The following IPO5 variants were observed in gnomAD, a reference collection of about 807,000 sequenced individuals.
IPO5 encodes importin 5.
In IPO5, 18 loss-of-function variants were observed where a neutral mutation model predicts 143.3. That is an observed-to-expected ratio of 0.13 (90% CI 0.09 to 0.19). The LOEUF (loss-of-function observed/expected upper bound fraction) is 0.19. IPO5 is among the 10% of genes least tolerant of loss of function. The pLI, the probability that IPO5 is intolerant of heterozygous loss-of-function variation, is 1.00. For missense variants in IPO5, 1,013 were observed against 1,336.9 expected (o/e 0.76, Z 3.78); for synonymous variants, 477 against 465.7 (o/e 1.02, Z -0.31).
chr13:97,994,799 G>A (rs1268108311), intron 11 of IPO5, among the ~76,000 whole-genome samples: 2 of 152,062 alleles, frequency 1.3e-5, no homozygotes, highest in Non-Finnish European at 2.9e-5. Flanking sequence ...CGCTCACATG[G>A]GAACAAAGCC....
rs1160360832 is a variant in IPO5 at position 98,019,803 on chromosome 13, T to C, written c.3059T>C (p.Ile1020Thr). Reference sequence around the variant, plus strand: ...ACTTTCAATTATCTGTGTGACCTGATTGAAAGGTAGGAAAGCAGACTGTGA... The same window carrying C: ...ACTTTCAATTATCTGTGTGACCTGACTGAAAGGTAGGAAAGCAGACTGTGA... ...VQTFNYLCDL[I>T]ESNHPIVLGP... Residue 1020 changes from isoleucine (I) to threonine (T), a missense_variant, in exon 27 of 29, where the codon ATT becomes ACT. Ile to Thr is a moderately conservative substitution (Grantham distance 89). This residue lies in a region of IPO5 where 685 missense variants were observed against 994.9 expected (regional missense o/e 0.69). Transcript: ENST00000651721. 4 of 1,606,104 alleles carry C rather than the reference T, an allele frequency of 2.5e-6. No homozygotes were observed. The highest frequency in any genetic ancestry group is 1.1e-5 in the South Asian group (1 of 90,860).
chr13:97,974,076 T>C (rs1886056321), intron 3 of IPO5, among the ~76,000 whole-genome samples: 3 of 152,136 alleles, frequency 2.0e-5, no homozygotes, highest in South Asian at 2.1e-4. Flanking sequence ...ATAATAATAA[T>C]AACAATAATA....
intron 5 of IPO5, among the ~76,000 whole-genome samples, chr13:97,982,813 T>C (rs768008928): frequency 6.6e-6 from 1 of 152,178 alleles, no homozygotes; most frequent in African/African-American, 2.4e-5. Flanking sequence ...GTGTCCAGGG[T>C]AGATGAAGAT....
Position 98,017,239 on chromosome 13 carries a change from G to T in IPO5, c.2616+388G>T, listed in dbSNP as rs547848508. Among the ~76,000 whole-genome samples the T allele has an allele frequency of 3.7e-4, 54 of 145,478 alleles. No homozygotes were observed. In the Middle Eastern group the frequency reaches 0.025, roughly 68 times the overall value. On this transcript the variant is annotated intron_variant, in intron 25 of 28. Coordinates refer to ENST00000651721, the MANE Select transcript of IPO5 (RefSeq NM_002271.6). ...CAGCAATCATGGATTATGGATAATG[G>T]GCATATATATATATATATGTATTTT...
Position 98,023,068 on chromosome 13 carries a change from T to A in IPO5, c.*1246T>A, listed in dbSNP as rs1427977298. The A allele has an allele frequency of 6.6e-6, 1 of 152,664 alleles. No homozygotes were observed. The highest frequency in any genetic ancestry group is 2.4e-5 in the African/African-American group (1 of 41,472). The allele number at this position is 152,664 out of a possible 1,614,324, so 9.5% of individuals were successfully genotyped here. A position where few individuals can be genotyped will look rare whatever the true frequency, so the allele number is the denominator to read the frequency against. ...AGATCAGAATTTTAAATTAAAGGTT[T>A]TTTCTTTAAATGATTTGTATTACTT... On this transcript the variant is annotated 3_prime_UTR_variant, in exon 29 of 29. Transcript: ENST00000651721.
intron 11 of IPO5, among the ~76,000 whole-genome samples, chr13:97,996,769 A>AT (rs935276307): frequency 1.3e-5 from 2 of 151,792 alleles, no homozygotes; most frequent in Non-Finnish European, 2.9e-5. Flanking sequence ...CACCCGGCTA[A>AT]TTTTTTTGTT....
intron 3 of IPO5, among the ~76,000 whole-genome samples, chr13:97,972,240 G>C (rs1885884304): frequency 1.3e-5 from 2 of 152,168 alleles, no homozygotes; most frequent in African/African-American, 4.8e-5. Flanking sequence ...CTGCAAACCA[G>C]AAAGGGCAGA....
At chr13:97,981,949 TG>T (rs1886881838) in intron 4 of IPO5, 1 of 152,892 alleles carries the variant, frequency 6.5e-6, no homozygotes, top group South Asian at 2.1e-4. Flanking sequence ...GAATTTATCC[TG>T]ACCACATTCA....
At chr13:98,005,161 T>C (rs1451382015) in intron 16 of IPO5, among the ~76,000 whole-genome samples, 1 of 150,240 alleles carries the variant, frequency 6.7e-6, no homozygotes, top group East Asian at 2.0e-4. Context: ...CCTCCCAAAG[T>C]GCTGGGATTA....
rs749069060 is a variant in IPO5, at chr13:97,985,436, G to A, written c.187G>A (p.Ala63Thr). The A allele has an allele frequency of 6.2e-6, 10 of 1,613,764 alleles. No homozygotes were observed. The highest frequency in any genetic ancestry group is 1.7e-5 in the Admixed American group (1 of 60,000). The part of the protein sequence containing the change: ...TAAEEARQMA[A>T]VLLRRLLSSA... The stretch of plus-strand genomic sequence containing the variant: ...CTGTTTATAGGCTAGACAAATGGCC[G>A]CCGTTCTCCTAAGACGTCTCTTGTC... The change falls in exon 6 of 29, where the codon GCC becomes ACC. Residue 63 changes from alanine to threonine, a missense_variant. Coordinates refer to ENST00000651721, the MANE Select transcript of IPO5 (RefSeq NM_002271.6).
intron 7 of IPO5, 50 bp from the exon 8 acceptor site, chr13:97,990,076 A>G (rs1424680400): frequency 9.1e-7 from 1 of 1,095,542 alleles, no homozygotes; most frequent in East Asian, 2.5e-5. Flanking sequence ...ATACTTTACC[A>G]AGATATTAAT....
chr13:97,982,990 C>T (rs548596971), intron 5 of IPO5, among the ~76,000 whole-genome samples: 2 of 152,336 alleles, frequency 1.3e-5, no homozygotes, highest in South Asian at 4.1e-4. Context: ...CCTGCCTCAG[C>T]TTCCCGAGTA....
At chr13:98,020,869 T>G in intron 27 of IPO5, 123 bp from the exon 28 acceptor site, 1 of 686,626 alleles carries the variant, frequency 1.5e-6, no homozygotes, top group Non-Finnish European at 2.4e-6. Context: ...AACTAAAGAG[T>G]TCATATATAA....
At chr13:97,980,256 T>C (rs1468577557) in intron 4 of IPO5, among the ~76,000 whole-genome samples, 2 of 152,214 alleles carry the variant, frequency 1.3e-5, no homozygotes, top group Non-Finnish European at 2.9e-5. Context: ...TCCTTGACCA[T>C]TGTGATGGTA....
At chr13:97,988,249 C>T (rs1353681101) in intron 6 of IPO5, 1 of 153,776 alleles carries the variant, frequency 6.5e-6, no homozygotes, top group African/African-American at 2.4e-5. Context: ...TTAATAACAT[C>T]CTCTGGCACT....
At chr13:98,008,536 G>A (rs1320514426) in intron 18 of IPO5, among the ~76,000 whole-genome samples, 4 of 152,072 alleles carry the variant, frequency 2.6e-5, no homozygotes, top group Non-Finnish European at 1.5e-5. Flanking sequence ...CCCTTTGAAG[G>A]CTGCATGATC....
rs1266237360 is a variant in IPO5 at position 98,023,861 on chromosome 13, C to T, written c.*2039C>T. The stretch of plus-strand genomic sequence containing the variant: ...TGTGACATGATTCTGAAACCCAGAG[C>T]TCAGAACTAACTGTGAGATGTACCA... On this transcript the variant is annotated 3_prime_UTR_variant, in exon 29 of 29. Transcript: ENST00000651721. 6.6e-6 allele frequency: 1 copy of T among 152,152 alleles called. No individual in the cohort carries two copies. 9.4% of individuals were successfully genotyped at this position (152,152 alleles called of 1,614,324 possible). A position where few individuals can be genotyped will look rare whatever the true frequency, so the allele number is the denominator to read the frequency against.
At position 98,006,368 on chromosome 13, in the gene IPO5, T is replaced by A; in HGVS notation, c.1716+20T>A. 1.4e-6 allele frequency: 1 copy of A among 695,568 alleles called. No homozygotes were observed. Among genetic ancestry groups the A allele is most frequent in the Non-Finnish European group, 1.9e-6 (1 of 533,062 alleles). The allele number at this position is 695,568 out of a possible 1,614,324, so 43.1% of individuals were successfully genotyped here. A position where few individuals can be genotyped will look rare whatever the true frequency, so the allele number is the denominator to read the frequency against. On this transcript the variant is annotated intron_variant, in intron 17 of 28. Transcript: ENST00000651721. ...GAAAAAGTAAGTAATTTTTTTTTTT[T>A]TTTTTTTTTTTTTTTTTTTTTTTTG...
At chr13:98,021,629 C>G in intron 28 of IPO5, 107 bp from the exon 29 acceptor site, 1 of 518,214 alleles carries the variant, frequency 1.9e-6, no homozygotes, top group East Asian at 2.9e-5. Context: ...AATAATGTAC[C>G]TAGGGAGAAG....
Sources: allele counts gnomAD v4.1 joint callset (sites outside exome capture counted in the v4.1 genomes callset), GRCh38; gene constraint gnomAD v4.1.1; regional missense constraint gnomAD v4.1.1; transcripts MANE v1.5; gene names NCBI Gene and HGNC (gene_info 2026-07-23, HGNC 2026-07-21).